Variants in DNM2 observed in about 807,000 individuals in gnomAD.
DNM2 encodes the protein dynamin 2.
Under a neutral mutation model 99.0 loss-of-function variants are expected in DNM2, and 15 were observed. That is an observed-to-expected ratio of 0.15 (90% CI 0.10 to 0.23). DNM2 has a LOEUF of 0.23. DNM2 is among the 10% of genes least tolerant of loss of function. DNM2 has a pLI of 1.00. For missense variants in DNM2, 742 were observed against 1,189.4 expected, an observed-to-expected ratio of 0.62 and a Z score of 5.53; for synonymous variants, 525 against 481.2, an observed-to-expected ratio of 1.09 and a Z score of -1.19.
At position 10,741,525 on chromosome 19, in the gene DNM2, A is replaced by C. The variant is rs1162857524; in HGVS notation, c.162-18213A>C. ...ATTACAGGCATGAGCCACTGTGCTC[A>C]GCCCCAAATTGGCCAATATTTCTTT... On this transcript the variant is annotated intron_variant, in intron 1 of 20. Transcript: ENST00000389253. Among the ~76,000 whole-genome samples, 4 of 150,422 alleles carry C rather than the reference A, an allele frequency of 2.7e-5. No homozygotes were observed. In the East Asian group the frequency reaches 7.8e-4, roughly 29 times the overall value.
intron 5 of DNM2, 141 bp downstream of exon 5, chr19:10,777,357 G>A (rs2071188568): frequency 1.2e-6 from 1 of 806,424 alleles, no homozygotes; most frequent in East Asian, 2.7e-5. Flanking sequence ...TTCCCTTTGA[G>A]CTATGTATCT....
rs149798886 is a variant in DNM2 at position 10,806,468 on chromosome 19, C to T, written c.1545+501C>T. On this transcript the variant is annotated intron_variant, in intron 13 of 20. Transcript: ENST00000389253. Reference sequence around the variant, plus strand: ...TTGAGCCCAGCAGTTCATGACCATCCGGGGCAATACAATGAGACCTCATCT... The same window carrying T: ...TTGAGCCCAGCAGTTCATGACCATCTGGGGCAATACAATGAGACCTCATCT... Among the ~76,000 whole-genome samples, 542 of 152,080 alleles carry T rather than the reference C, an allele frequency of 3.6e-3. 3 individuals carry two copies. Among genetic ancestry groups the T allele is most frequent in the African/African-American group, 0.013 (524 of 41,472 alleles).
At chr19:10,777,997 C>T (rs2071211098) in intron 5 of DNM2, among the ~76,000 whole-genome samples, 1 of 150,622 alleles carries the variant, frequency 6.6e-6, no homozygotes, top group Non-Finnish European at 1.5e-5. Flanking sequence ...TTATTTTCTT[C>T]CTGGAATATT....
intron 1 of DNM2, among the ~76,000 whole-genome samples, chr19:10,738,921 C>G (rs1474183326): frequency 1.3e-5 from 2 of 149,780 alleles, no homozygotes; most frequent in African/African-American, 4.9e-5. Context: ...GTAATCCCAG[C>G]ACTTTGGGAG....
rs146962994 is a variant in DNM2, at chr19:10,718,598, C to T, written c.161+195C>T. Reference sequence around the variant, plus strand: ...CTCCCTGCAGGGGCTCCGGAGCAGGCCCGGGCCCCAGGGGCGGTGTCACGG... The same window carrying T: ...CTCCCTGCAGGGGCTCCGGAGCAGGTCCGGGCCCCAGGGGCGGTGTCACGG... On this transcript the variant is annotated intron_variant, in intron 1 of 20. Coordinates refer to ENST00000389253, the MANE Select transcript of DNM2 (RefSeq NM_001005361.3). 6,535 of 839,138 alleles carry T rather than the reference C, an allele frequency of 7.8e-3. 31 individuals carry two copies. Among genetic ancestry groups the T allele is most frequent in the Non-Finnish European group, 9.6e-3 (6,135 of 641,524 alleles). The allele number at this position is 839,138 out of a possible 1,614,324, so 52.0% of individuals were successfully genotyped here.
In DNM2 at chr19:10,795,005, G is replaced by A. The variant is rs1599567959; in HGVS notation, c.1129-367G>A. 6.6e-6 allele frequency among the ~76,000 whole-genome samples: 1 copy of A among 151,892 alleles called. No individual in the cohort carries two copies. The highest frequency in any genetic ancestry group is 6.6e-5 in the Admixed American group (1 of 15,238). On this transcript the variant is annotated intron_variant, in intron 8 of 20. Transcript: ENST00000389253. This position sits in a 1 kb window ranked among gnomAD's most constrained non-coding sequence, Gnocchi z 4.2. ...TGCAATCACAGCTCACTGCAGCTTCGACCTTCCTGGGCTCGGATGATCCTC... is the reference window on the plus strand; with the variant it reads ...TGCAATCACAGCTCACTGCAGCTTCAACCTTCCTGGGCTCGGATGATCCTC...
chr19:10,831,064 G>A lies in DNM2; in HGVS notation c.*17G>A. 6.3e-7 allele frequency: 1 copy of A among 1,589,624 alleles called. No individual in the cohort carries two copies. On this transcript the variant is annotated 3_prime_UTR_variant, in exon 21 of 21. Coordinates refer to ENST00000389253, the MANE Select transcript of DNM2 (RefSeq NM_001005361.3). The surrounding 1 kb of genome is among the most constrained non-coding windows in gnomAD (Gnocchi z 4.3). ...CTCGACTAGGCCTCGAGGGGGGCGT[G>A]CTCTCGGGGGGGCCTCACGCACCCG... is the stretch of plus-strand genomic sequence containing the variant.
chr19:10,745,574 G>A (rs2069936007), intron 1 of DNM2, among the ~76,000 whole-genome samples: 5 of 152,330 alleles, frequency 3.3e-5, no homozygotes, highest in South Asian at 4.1e-4. Flanking sequence ...GCAAGTGCCT[G>A]TAGTCCGAGC....
intron 9 of DNM2, 78 bp from the exon 10 acceptor site, chr19:10,797,302 C>G: frequency 1.3e-6 from 2 of 1,586,534 alleles, no homozygotes; most frequent in Non-Finnish European, 1.7e-6. Context: ...TCTCTTCTCT[C>G]TGTCTCCTGT....
chr19:10,744,971 A>T (rs1259580164), intron 1 of DNM2, among the ~76,000 whole-genome samples: 1 of 152,188 alleles, frequency 6.6e-6, no homozygotes, highest in African/African-American at 2.4e-5. Context: ...GGGGTTTCTC[A>T]GTACTGCTGA....
chr19:10,796,001 T>C lies in DNM2; in HGVS notation c.1196+562T>C. On this transcript the variant is annotated intron_variant, in intron 9 of 20. Coordinates refer to ENST00000389253, the MANE Select transcript of DNM2 (RefSeq NM_001005361.3). The surrounding 1 kb of genome is among the most constrained non-coding windows in gnomAD (Gnocchi z 5.6). ...ACCCGGCCAGGGCCAATGAAATTGC[T>C]GACCATGCTTTGTTTCTCTCTGACT... The C allele has an allele frequency of 6.2e-7, 1 of 1,610,848 alleles. No individual in the cohort carries two copies. Among genetic ancestry groups the C allele is most frequent in the South Asian group, 1.1e-5 (1 of 90,968 alleles).
At chr19:10,754,259 C>CTT (rs35844438) in intron 1 of DNM2, among the ~76,000 whole-genome samples, 17 of 142,112 alleles carry the variant, frequency 1.2e-4, no homozygotes, top group African/African-American at 2.8e-4. Flanking sequence ...TCGCTTAAGT[C>CTT]TTTTTTTTTT....
rs529786769 is a variant in DNM2 at position 10,746,180 on chromosome 19, C to T, written c.162-13558C>T. On this transcript the variant is annotated intron_variant, in intron 1 of 20. Transcript: ENST00000389253. ...TTCACCATGTTGGCCAGGCTGCTCT[C>T]GAACTCTGGACCTCAGGTGATCCAC... Among the ~76,000 whole-genome samples the T allele has an allele frequency of 5.3e-5, 8 of 152,278 alleles. No individual in the cohort carries two copies. In the East Asian group the frequency reaches 7.7e-4, roughly 15 times the overall value.
At chr19:10,828,715 G>A (rs2073231645) in intron 18 of DNM2, among the ~76,000 whole-genome samples, 1 of 152,148 alleles carries the variant, frequency 6.6e-6, no homozygotes, top group Admixed American at 6.5e-5. Context: ...AGTTGAATAA[G>A]AATCTCATAA....
intron 1 of DNM2, among the ~76,000 whole-genome samples, chr19:10,720,726 T>C (rs948762562): frequency 6.6e-6 from 1 of 151,934 alleles, no homozygotes; most frequent in South Asian, 2.1e-4. Flanking sequence ...CCAGATCCGG[T>C]TTCAAAAAAA....
chr19:10,775,812 C>T lies in DNM2; in HGVS notation c.495C>T (p.Ser165=), dbSNP rs758407551. Residue 165 remains serine (S), a synonymous_variant, in exon 4 of 21, where the codon AGC becomes AGT. Coordinates refer to ENST00000389253, the MANE Select transcript of DNM2 (RefSeq NM_001005361.3). This position sits in a 1 kb window ranked among gnomAD's most constrained non-coding sequence, Gnocchi z 4.3. The part of the protein sequence containing the change: ...QIKDMILQFI[S]RESSLILAVT... Reference sequence around the variant, plus strand: ...AGGACATGATCCTGCAGTTCATCAGCCGGGAGAGCAGCCTCATTCTGGCTG... The same window carrying T: ...AGGACATGATCCTGCAGTTCATCAGTCGGGAGAGCAGCCTCATTCTGGCTG... 3 of 1,614,160 alleles carry T rather than the reference C, an allele frequency of 1.9e-6. No individual in the cohort carries two copies. Among genetic ancestry groups the T allele is most frequent in the Admixed American group, 1.7e-5 (1 of 60,018 alleles).
chr19:10,802,550 C>T lies in DNM2; in HGVS notation c.1493+192C>T, dbSNP rs2072190789. On this transcript the variant is annotated intron_variant, in intron 12 of 20. Transcript: ENST00000389253. The stretch of plus-strand genomic sequence containing the variant: ...GCTGATAGTGGTCCACTGTCCCCAA[C>T]CAACACGCCTTCTGTGAGGCATCCC... 4.4e-6 allele frequency: 3 copies of T among 681,328 alleles called. No homozygotes were observed. In the South Asian group the frequency reaches 4.8e-5, roughly 11 times the overall value. 42.2% of individuals were successfully genotyped at this position (681,328 alleles called of 1,614,324 possible). A position where few individuals can be genotyped will look rare whatever the true frequency, so the allele number is the denominator to read the frequency against.
intron 1 of DNM2, among the ~76,000 whole-genome samples, chr19:10,729,845 C>T (rs1599428830): frequency 6.6e-6 from 1 of 151,718 alleles, no homozygotes; most frequent in Non-Finnish European, 1.5e-5. Context: ...ATAGAGAATA[C>T]GTGGCACCAT....
At chr19:10,721,351 TTCACCA>T (rs1286228122) in intron 1 of DNM2, among the ~76,000 whole-genome samples, 2 of 152,124 alleles carry the variant, frequency 1.3e-5, no homozygotes, top group African/African-American at 4.8e-5. Context: ...GAGATGGGGT[TTCACCA>T]TGTTGGCCAG....
Sources: gnomAD v4.1 joint callset for allele counts (sites outside exome capture counted in the v4.1 genomes callset) on GRCh38, gnomAD v4.1.1 for gene constraint, Gnocchi (gnomAD v3.1) non-coding constraint, MANE v1.5 for transcripts, NCBI Gene and HGNC (gene_info 2026-07-23, HGNC 2026-07-21) for gene names.